Variants in SAMD13 observed in about 807,000 individuals in gnomAD.
SAMD13 encodes the protein sterile alpha motif domain containing 13, also known as sterile alpha motif domain-containing protein 13.
Under a neutral mutation model 12.4 loss-of-function variants are expected in SAMD13, and 9 were observed. The ratio of observed to expected loss-of-function variants is 0.72; its 90% confidence interval spans 0.44 to 1.26. The LOEUF (loss-of-function observed/expected upper bound fraction) is 1.26, where lower values mean the gene tolerates loss of function less well. SAMD13 is among the 50% of genes most tolerant of loss of function. The pLI, the probability that SAMD13 is intolerant of heterozygous loss-of-function variation, is 0.00. For synonymous variants in SAMD13, 46 were observed against 45.4 expected, an observed-to-expected ratio of 1.01 and a Z score of -0.05; for missense variants, 84 against 119.6, an observed-to-expected ratio of 0.70 and a Z score of 1.39.
chr1:84,324,587 G>A (rs772656049), intron 2 of SAMD13, among the ~76,000 whole-genome samples: 1 of 152,176 alleles, frequency 6.6e-6, no homozygotes, highest in Admixed American at 6.5e-5. Context: ...AATAAGGGTG[G>A]TGTCTGTTTT....
chr1:84,329,409 CAGTATCT>C (rs1261375085), intron 3 of SAMD13, among the ~76,000 whole-genome samples: 1 of 152,160 alleles, frequency 6.6e-6, no homozygotes, highest in African/African-American at 2.4e-5. Flanking sequence ...ACTTCCAGGA[CAGTATCT>C]ATCTTTGTGG....
intron 2 of SAMD13, among the ~76,000 whole-genome samples, chr1:84,316,155 C>T (rs1018989092): frequency 7.2e-5 from 11 of 152,126 alleles, no homozygotes; most frequent in African/African-American, 2.7e-4. Context: ...AGTATTTTCT[C>T]TCATTCCATA....
At chr1:84,301,144 A>T (rs543050431), upstream of SAMD13, among the ~76,000 whole-genome samples, 1 of 152,348 alleles carries the variant, frequency 6.6e-6, no homozygotes, top group East Asian at 1.9e-4. Flanking sequence ...TTTCCGAAAT[A>T]TGTTACTTCC....
chr1:84,302,241 G>A (rs572542456), intron 1 of SAMD13, among the ~76,000 whole-genome samples: 122 of 151,960 alleles, frequency 8.0e-4, no homozygotes, highest in African/African-American at 2.9e-3. Flanking sequence ...AATCCCTAGA[G>A]AAGGAGTGCC....
chr1:84,329,504 C>T (rs987202157), intron 3 of SAMD13, among the ~76,000 whole-genome samples: 1 of 152,104 alleles, frequency 6.6e-6, no homozygotes, highest in South Asian at 2.1e-4. Flanking sequence ...GCAGCGTGAC[C>T]TCTTGGAAGA....
At chr1:84,338,162 T>C (rs1174288340) in intron 3 of SAMD13, among the ~76,000 whole-genome samples, 2 of 152,184 alleles carry the variant, frequency 1.3e-5, no homozygotes, top group African/African-American at 2.4e-5. Flanking sequence ...TTACCCAGTT[T>C]CAAAGTCACT....
At chr1:84,316,905 T>C (rs996178908) in intron 2 of SAMD13, among the ~76,000 whole-genome samples, 1 of 152,124 alleles carries the variant, frequency 6.6e-6, no homozygotes, top group African/African-American at 2.4e-5. Context: ...TGTTTCATAG[T>C]TTTTAGTATG....
intron 3 of SAMD13, among the ~76,000 whole-genome samples, chr1:84,329,909 T>G (rs1679138196): frequency 6.6e-6 from 1 of 152,076 alleles, no homozygotes; most frequent in Non-Finnish European, 1.5e-5. Context: ...ATGTAGGGAG[T>G]CTGGCGTACT....
intron 3 of SAMD13, among the ~76,000 whole-genome samples, chr1:84,329,525 T>C (rs562476450): frequency 6.6e-6 from 1 of 152,300 alleles, no homozygotes; most frequent in South Asian, 2.1e-4. Context: ...TGTCAGGCCA[T>C]TGAGCAAGAT....
At chr1:84,315,014 CTT>C (rs1678802492) in intron 2 of SAMD13, among the ~76,000 whole-genome samples, 1 of 141,446 alleles carries the variant, frequency 7.1e-6, no homozygotes, top group South Asian at 2.5e-4. Flanking sequence ...CTCCTTCTCT[CTT>C]TCTTTCTCTT....
chr1:84,320,814 A>C (rs1480324468), intron 2 of SAMD13, among the ~76,000 whole-genome samples: 1 of 152,212 alleles, frequency 6.6e-6, no homozygotes, highest in Non-Finnish European at 1.5e-5. Context: ...CAGTGTCTAA[A>C]GTAACTTGCT....
intron 2 of SAMD13, among the ~76,000 whole-genome samples, chr1:84,321,100 C>A (rs1163191042): frequency 6.6e-6 from 1 of 152,116 alleles, no homozygotes; most frequent in Non-Finnish European, 1.5e-5. Context: ...AATTGATCTG[C>A]TTGTATCTGC....
intron 2 of SAMD13, among the ~76,000 whole-genome samples, chr1:84,320,594 A>G (rs748195516): frequency 3.9e-5 from 6 of 152,230 alleles, no homozygotes; most frequent in Non-Finnish European, 8.8e-5. Flanking sequence ...AAAGAGATCA[A>G]TATTAATTTA....
intron 2 of SAMD13, among the ~76,000 whole-genome samples, chr1:84,317,895 A>G (rs573876711): frequency 1.0e-3 from 153 of 151,972 alleles, no homozygotes; most frequent in African/African-American, 3.5e-3. Flanking sequence ...TGGATTTTCT[A>G]TTTCTTCATA....
intron 2 of SAMD13, among the ~76,000 whole-genome samples, chr1:84,317,725 A>G (rs1005036208): frequency 6.6e-6 from 1 of 152,020 alleles, no homozygotes; most frequent in Non-Finnish European, 1.5e-5. Context: ...AAGTTCAGAA[A>G]TGTTCCCTCC....
intron 3 of SAMD13, among the ~76,000 whole-genome samples, chr1:84,337,704 G>A (rs980171677): frequency 6.6e-6 from 1 of 152,182 alleles, no homozygotes; most frequent in African/African-American, 2.4e-5. Context: ...TACTTATGCA[G>A]ATTTCTGCAA....
intron 3 of SAMD13, among the ~76,000 whole-genome samples, chr1:84,347,984 G>A (rs1463707098): frequency 6.6e-6 from 1 of 152,138 alleles, no homozygotes; most frequent in Non-Finnish European, 1.5e-5. Flanking sequence ...TTTGTGTTCT[G>A]GTAGCTGACA....
intron 2 of SAMD13, among the ~76,000 whole-genome samples, chr1:84,312,841 A>G (rs558525230): frequency 1.9e-4 from 29 of 152,334 alleles, no homozygotes; most frequent in African/African-American, 6.3e-4. Context: ...ACATGGTACT[A>G]GCTGCTACCA....
At chr1:84,326,062 A>G (rs955063083) in intron 3 of SAMD13, among the ~76,000 whole-genome samples, 6 of 152,172 alleles carry the variant, frequency 3.9e-5, no homozygotes, top group Non-Finnish European at 7.3e-5. Context: ...ATGAAAACAC[A>G]CTAGAAAGCA....
Sources: gnomAD v4.1 joint callset for allele counts (sites outside exome capture counted in the v4.1 genomes callset) on GRCh38, gnomAD v4.1.1 for gene constraint, MANE v1.5 for transcripts, NCBI Gene and HGNC (gene_info 2026-07-23, HGNC 2026-07-21) for gene names.